Variants in ADGRV1 observed in about 807,000 individuals in gnomAD.
ADGRV1 encodes adhesion G protein-coupled receptor V1.
In ADGRV1, 359 loss-of-function variants were observed where a neutral mutation model predicts 596.2. That is an observed-to-expected ratio of 0.60 (90% CI 0.55 to 0.66). The LOEUF (loss-of-function observed/expected upper bound fraction) is 0.66, where lower values mean the gene tolerates loss of function less well. Ranked by LOEUF, ADGRV1 falls within the 30% of genes least tolerant of loss-of-function variation. The pLI is 0.00. For missense variants in ADGRV1, 7,274 were observed against 7,575.6 expected, an observed-to-expected ratio of 0.96 and a Z score of 1.48; for synonymous variants, 2,681 against 2,679.2, an observed-to-expected ratio of 1.00 and a Z score of -0.02.
intron 85 of ADGRV1, among the ~76,000 whole-genome samples, chr5:91,014,783 C>A (rs1376286020): frequency 6.6e-6 from 1 of 151,750 alleles, no homozygotes; most frequent in Non-Finnish European, 1.5e-5. Context: ...GATCTTTTTT[C>A]TTCTTTATTA....
At chr5:90,598,930 C>T (rs2152018747) in intron 1 of ADGRV1, among the ~76,000 whole-genome samples, 1 of 152,202 alleles carries the variant, frequency 6.6e-6, no homozygotes, top group African/African-American at 2.4e-5. Context: ...TCAATCTAAC[C>T]CTATTATCCC....
At chr5:90,955,720 G>A (rs1386417016) in intron 83 of ADGRV1, among the ~76,000 whole-genome samples, 1 of 152,138 alleles carries the variant, frequency 6.6e-6, no homozygotes, top group Non-Finnish European at 1.5e-5. Flanking sequence ...AGTCTTTGAT[G>A]TTGGCTTCTC....
chr5:90,690,993 A>G lies in ADGRV1; in HGVS notation c.6903A>G (p.Gln2301=). 1.2e-6 allele frequency: 2 copies of G among 1,613,790 alleles called. No homozygotes were observed. The highest frequency in any genetic ancestry group is 1.7e-6 in the Non-Finnish European group (2 of 1,179,760). The change falls in exon 31 of 90, where the codon CAA becomes CAG. Residue 2301 remains glutamine, a synonymous_variant. Coordinates refer to ENST00000405460, the MANE Select transcript of ADGRV1 (RefSeq NM_032119.4). ...CCTTTGCCCCTGGGGAAACCATTCA[A>G]ACCTTGTTGTTAGAGGTCCTGGCTG... is the stretch of plus-strand genomic sequence containing the variant. ...NVTFAPGETI[Q]TLLLEVLADD...
intron 83 of ADGRV1, among the ~76,000 whole-genome samples, chr5:90,868,185 T>G (rs986138471): frequency 2.6e-5 from 4 of 151,438 alleles, no homozygotes; most frequent in Non-Finnish European, 5.9e-5. Flanking sequence ...CATCTCTGGT[T>G]GTTGTTGTTG....
intron 67 of ADGRV1, among the ~76,000 whole-genome samples, chr5:90,784,505 G>A (rs1326505855): frequency 2.0e-5 from 3 of 152,148 alleles, no homozygotes; most frequent in African/African-American, 7.2e-5. Flanking sequence ...ACACAATTGC[G>A]AGTGCTGTTG....
intron 83 of ADGRV1, among the ~76,000 whole-genome samples, chr5:90,897,280 A>T (rs922734732): frequency 1.2e-4 from 19 of 152,322 alleles, no homozygotes; most frequent in Non-Finnish European, 2.5e-4. Context: ...GAAAGGCAGG[A>T]TAATGATTCA....
intron 85 of ADGRV1, among the ~76,000 whole-genome samples, chr5:91,070,192 A>T (rs550091915): frequency 2.0e-5 from 3 of 152,320 alleles, no homozygotes; most frequent in Admixed American, 6.5e-5. Flanking sequence ...TTCATGTCCC[A>T]AACCTTAGCA....
intron 85 of ADGRV1, among the ~76,000 whole-genome samples, chr5:91,032,424 C>A (rs1562117035): frequency 1.3e-5 from 2 of 152,140 alleles, no homozygotes; most frequent in Non-Finnish European, 2.9e-5. Flanking sequence ...AAGGTGGTAA[C>A]AACTGACATG....
intron 29 of ADGRV1, among the ~76,000 whole-genome samples, chr5:90,689,554 C>T (rs1746190203): frequency 1.3e-5 from 2 of 151,628 alleles, no homozygotes; most frequent in African/African-American, 2.4e-5. Context: ...GTTAAGGGGG[C>T]CTATCTTGTA....
intron 87 of ADGRV1, among the ~76,000 whole-genome samples, chr5:91,144,296 A>G (rs1468762543): frequency 6.6e-6 from 1 of 152,166 alleles, no homozygotes; most frequent in African/African-American, 2.4e-5. Context: ...TCCAAATATT[A>G]CTGAGGACAC....
chr5:91,019,105 C>T (rs1783416363), intron 85 of ADGRV1, among the ~76,000 whole-genome samples: 2 of 151,916 alleles, frequency 1.3e-5, no homozygotes, highest in Non-Finnish European at 2.9e-5. Context: ...TCAATATCCA[C>T]GCCTGAACTT....
chr5:90,632,999 T>C (rs1004463728), intron 9 of ADGRV1, among the ~76,000 whole-genome samples: 2 of 152,178 alleles, frequency 1.3e-5, no homozygotes, highest in Admixed American at 6.6e-5. Flanking sequence ...CAAAGTTGAA[T>C]GAAACTAAAG....
chr5:90,959,999 C>A (rs1304758530), intron 83 of ADGRV1, among the ~76,000 whole-genome samples: 1 of 151,900 alleles, frequency 6.6e-6, no homozygotes, highest in Non-Finnish European at 1.5e-5. Context: ...ATTAGCTGGG[C>A]ATGGTGGCGG....
intron 83 of ADGRV1, among the ~76,000 whole-genome samples, chr5:90,927,354 CTTG>C (rs1293899571): frequency 2.6e-5 from 4 of 152,014 alleles, no homozygotes; most frequent in African/African-American, 9.7e-5. Context: ...ATAGTTAGCT[CTTG>C]TTGTTGAATT....
chr5:90,821,467 G>A lies in ADGRV1; in HGVS notation c.16197-1958G>A, dbSNP rs1345172956. Among the ~76,000 whole-genome samples, 886 of 151,066 alleles carry A rather than the reference G, an allele frequency of 5.9e-3. 1 individual carries two copies. The highest frequency in any genetic ancestry group is 7.3e-3 in the South Asian group (35 of 4,782). On this transcript the variant is annotated intron_variant, in intron 75 of 89. Coordinates refer to ENST00000405460, the MANE Select transcript of ADGRV1 (RefSeq NM_032119.4). Reference sequence around the variant, plus strand: ...TGTTCCGTTGCTGGTGAGGAACTGCGTTCCTTTGGAGGAGGAGAGGCGCTC... The same window carrying A: ...TGTTCCGTTGCTGGTGAGGAACTGCATTCCTTTGGAGGAGGAGAGGCGCTC...
intron 21 of ADGRV1, among the ~76,000 whole-genome samples, chr5:90,665,302 G>T (rs1771135307): frequency 6.6e-6 from 1 of 152,030 alleles, no homozygotes; most frequent in Non-Finnish European, 1.5e-5. Flanking sequence ...CCTGTTATTG[G>T]TCTATTCAGA....
chr5:90,871,425 T>C (rs763443972), intron 83 of ADGRV1, among the ~76,000 whole-genome samples: 1 of 152,186 alleles, frequency 6.6e-6, no homozygotes, highest in Admixed American at 6.5e-5. Flanking sequence ...TCTCACTACA[T>C]TGAAAATAAG....
Position 90,614,887 on chromosome 5 carries a change from A to G in ADGRV1, c.75A>G (p.Leu25=). Residue 25 remains leucine, a synonymous_variant, in exon 2 of 90, where the codon CTA becomes CTG. Coordinates refer to ENST00000405460, the MANE Select transcript of ADGRV1 (RefSeq NM_032119.4). ...LVNLLSALLI[L]FVFGETEIRF... is the part of the protein sequence containing the mutation. ...ATCTTCTTTCAGCTTTACTCATCCTATTTGTGTTTGGAGAAACAGAAATAA... is the reference window on the plus strand; with the variant it reads ...ATCTTCTTTCAGCTTTACTCATCCTGTTTGTGTTTGGAGAAACAGAAATAA... 3 of 1,610,602 alleles carry G rather than the reference A, an allele frequency of 1.9e-6. No homozygotes were observed. The highest frequency in any genetic ancestry group is 2.5e-6 in the Non-Finnish European group (3 of 1,178,022).
intron 87 of ADGRV1, among the ~76,000 whole-genome samples, chr5:91,143,983 A>C (rs1795322504): frequency 6.6e-6 from 1 of 152,102 alleles, no homozygotes; most frequent in Non-Finnish European, 1.5e-5. Context: ...CTGGGTTGCA[A>C]CAGTGCCCAG....
Sources: allele counts gnomAD v4.1 joint callset (sites outside exome capture counted in the v4.1 genomes callset), GRCh38; gene constraint gnomAD v4.1.1; transcripts MANE v1.5; gene names NCBI Gene and HGNC (gene_info 2026-07-23, HGNC 2026-07-21).